The following SH2D4A variants were observed in gnomAD, a reference collection of about 807,000 sequenced individuals.
SH2D4A encodes the protein SH2 domain-containing protein 4A.
SH2D4A carries 70 observed loss-of-function variants against 64.7 expected under a neutral mutation model. The observed-to-expected ratio is 1.08, with a 90% CI of 0.89 to 1.32. The LOEUF (loss-of-function observed/expected upper bound fraction) is 1.32. Ranked by LOEUF, SH2D4A falls within the 40% of genes most tolerant of loss-of-function variation. The probability of loss-of-function intolerance (pLI) is 0.00; values close to 1 mark genes in which losing one functional copy is unlikely to be tolerated. For missense variants in SH2D4A, 706 were observed against 540.1 expected (o/e 1.31, Z -3.04); for synonymous variants, 268 against 200.7 (o/e 1.34, Z -2.83).
At chr8:19,389,786 G>A (rs2053456791) in intron 8 of SH2D4A, among the ~76,000 whole-genome samples, 1 of 152,174 alleles carries the variant, frequency 6.6e-6, no homozygotes, top group Non-Finnish European at 1.5e-5. Context: ...CGTGCTTGCA[G>A]TCCCAGGTAC....
chr8:19,357,266 G>C lies in SH2D4A; in HGVS notation c.577G>C (p.Ala193Pro). 6.2e-7 allele frequency: 1 copy of C among 1,613,612 alleles called. No individual in the cohort carries two copies. Among genetic ancestry groups the C allele is most frequent in the Middle Eastern group, 1.6e-4 (1 of 6,062 alleles). The change falls in exon 5 of 10, where the codon GCA becomes CCA. Residue 193 changes from alanine (A) to proline (P), a missense_variant. Ala to Pro is a conservative substitution (Grantham distance 27, BLOSUM62 -1). Transcript: ENST00000265807. ...GGCAGATTCAATCAATCGTATGAAG[G>C]CATATGCATTTCACCAGGTAAAAGA... ...MLADSINRMK[A>P]YAFHQKKESM...
chr8:19,382,088 T>C (rs1455541857), intron 8 of SH2D4A, among the ~76,000 whole-genome samples: 1 of 152,190 alleles, frequency 6.6e-6, no homozygotes, highest in African/African-American at 2.4e-5. Flanking sequence ...TTTACCTTTA[T>C]TGAGTTACTT....
chr8:19,382,070 C>A (rs1223572075), intron 8 of SH2D4A, among the ~76,000 whole-genome samples: 1 of 151,878 alleles, frequency 6.6e-6, no homozygotes, highest in Admixed American at 6.6e-5. Flanking sequence ...TTTATAATTG[C>A]CTATGTATTT....
chr8:19,338,580 T>C (rs2052479985), intron 4 of SH2D4A, among the ~76,000 whole-genome samples: 1 of 152,174 alleles, frequency 6.6e-6, no homozygotes, highest in Admixed American at 6.5e-5. Context: ...ACATGTGATG[T>C]TCCTGGCTTT....
intron 4 of SH2D4A, among the ~76,000 whole-genome samples, chr8:19,354,157 A>G (rs1247911207): frequency 6.6e-6 from 1 of 151,846 alleles, no homozygotes; most frequent in African/African-American, 2.4e-5. Flanking sequence ...ATGCACCACC[A>G]TGCCAGCTAA....
At chr8:19,357,020 A>C (rs1017770558) in intron 4 of SH2D4A, among the ~76,000 whole-genome samples, 183 bp from the exon 5 acceptor site, 2 of 152,144 alleles carry the variant, frequency 1.3e-5, no homozygotes, top group Admixed American at 1.3e-4. Flanking sequence ...GATACTGAGG[A>C]TTCACATGCC....
chr8:19,348,547 C>T (rs116190365), intron 4 of SH2D4A, among the ~76,000 whole-genome samples: 1,720 of 152,212 alleles, frequency 0.011, 42 homozygotes, highest in African/African-American at 0.038. Flanking sequence ...CTGTCCACTC[C>T]GGAACGATCA....
In SH2D4A at chr8:19,333,043, T is replaced by A; in HGVS notation, c.270T>A (p.Tyr90Ter). ...VMGEHHLDKPYDVLCNEIIAE... is the reference protein window; with the variant it reads ...VMGEHHLDKP ...GCGAACACCATCTAGATAAACCCTA[T>A]GATGTGCTCTGTAATGAAATTATTG... The change falls in exon 3 of 10, where the codon TAT becomes TAA. Residue 90 changes from tyrosine to a stop codon, truncating the protein, a stop_gained. Coordinates refer to ENST00000265807, the MANE Select transcript of SH2D4A (RefSeq NM_022071.4). LOFTEE classifies it high-confidence loss of function. 6.2e-7 allele frequency: 1 copy of A among 1,614,090 alleles called. No individual in the cohort carries two copies. Among genetic ancestry groups the A allele is most frequent in the Non-Finnish European group, 8.5e-7 (1 of 1,180,016 alleles).
chr8:19,384,697 C>A (rs185239986), intron 8 of SH2D4A, among the ~76,000 whole-genome samples: 7 of 152,052 alleles, frequency 4.6e-5, no homozygotes, highest in Non-Finnish European at 5.9e-5. Flanking sequence ...TGTGTAGATA[C>A]ATAATTCATT....
At position 19,332,753 on chromosome 8, in the gene SH2D4A, A is replaced by G. The variant is rs1403977082; in HGVS notation, c.182-202A>G. Among the ~76,000 whole-genome samples the G allele has an allele frequency of 3.3e-5, 5 of 151,690 alleles. No individual in the cohort carries two copies. In the East Asian group the frequency reaches 9.7e-4, roughly 29 times the overall value. On this transcript the variant is annotated intron_variant, in intron 2 of 9. Transcript: ENST00000265807. ...CATACCCCTAATATTTTTAAAACAA[A>G]TATTTTCACTGAAGCTGCCTCTCAC...
chr8:19,389,808 A>AGGC (rs1251959784), intron 8 of SH2D4A, among the ~76,000 whole-genome samples: 8 of 152,332 alleles, frequency 5.3e-5, no homozygotes, highest in African/African-American at 1.9e-4. Context: ...CAGGAGGTTG[A>AGGC]GGCTGCAGTG....
chr8:19,328,430 C>G (rs553814532), intron 2 of SH2D4A, among the ~76,000 whole-genome samples: 26 of 152,222 alleles, frequency 1.7e-4, no homozygotes, highest in African/African-American at 6.0e-4. Context: ...TGCTGTGTTC[C>G]CAGTTAGCGA....
chr8:19,322,445 T>G (rs1357123731), intron 2 of SH2D4A, among the ~76,000 whole-genome samples: 2 of 152,122 alleles, frequency 1.3e-5, no homozygotes, highest in Admixed American at 6.5e-5. Context: ...AAAAACATCA[T>G]AGGCCACCCC....
intron 4 of SH2D4A, among the ~76,000 whole-genome samples, chr8:19,353,516 G>A (rs1029569838): frequency 1.3e-5 from 2 of 151,624 alleles, no homozygotes; most frequent in South Asian, 2.1e-4. Context: ...CTCCAGGTGC[G>A]CATCATCACG....
At position 19,374,287 on chromosome 8, in the gene SH2D4A, C is replaced by T. The variant is rs528028655; in HGVS notation, c.1048+627C>T. On this transcript the variant is annotated intron_variant, in intron 8 of 9. Coordinates refer to ENST00000265807, the MANE Select transcript of SH2D4A (RefSeq NM_022071.4). ...CCCAAGAAACTTGATTCAAGCCCCT[C>T]TTCCACCCAGCAGATACTTCACAGG... Among the ~76,000 whole-genome samples, 7 of 152,296 alleles carry T rather than the reference C, an allele frequency of 4.6e-5. No homozygotes were observed. The South Asian group carries it at 1.5e-3, about 32-fold the overall frequency.
At chr8:19,324,700 C>G (rs996442883) in intron 2 of SH2D4A, among the ~76,000 whole-genome samples, 2 of 152,152 alleles carry the variant, frequency 1.3e-5, no homozygotes, top group African/African-American at 4.8e-5. Context: ...TCACACTGCA[C>G]TGGTGGTTTG....
At chr8:19,329,682 C>G (rs1045473396) in intron 2 of SH2D4A, among the ~76,000 whole-genome samples, 1 of 152,148 alleles carries the variant, frequency 6.6e-6, no homozygotes, top group South Asian at 2.1e-4. Context: ...GGGCAGTTTC[C>G]CCCATACTGT....
intron 4 of SH2D4A, among the ~76,000 whole-genome samples, chr8:19,355,813 T>C (rs1299773876): frequency 2.6e-5 from 4 of 152,214 alleles, no homozygotes; most frequent in Non-Finnish European, 5.9e-5. Flanking sequence ...TCTCACCACC[T>C]ATGATTAATT....
At chr8:19,338,438 T>C (rs1334220065) in intron 4 of SH2D4A, among the ~76,000 whole-genome samples, 1 of 152,190 alleles carries the variant, frequency 6.6e-6, no homozygotes, top group Non-Finnish European at 1.5e-5. Context: ...GGGACCATGG[T>C]TAAGGACGTT....
Sources: gnomAD v4.1 joint callset for allele counts (sites outside exome capture counted in the v4.1 genomes callset) on GRCh38, gnomAD v4.1.1 for gene constraint, MANE v1.5 for transcripts, NCBI Gene and HGNC (gene_info 2026-07-23, HGNC 2026-07-21) for gene names.